The following DCLRE1C variants were observed in gnomAD, a reference collection of about 807,000 sequenced individuals.
The protein encoded by DCLRE1C is protein artemis.
Under a neutral mutation model 61.4 loss-of-function variants are expected in DCLRE1C, and 47 were observed. That is an observed-to-expected ratio of 0.77 (90% CI 0.61 to 0.98). The LOEUF (loss-of-function observed/expected upper bound fraction) is 0.98, where lower values mean the gene tolerates loss of function less well. Ranked by LOEUF, DCLRE1C falls within the 50% of genes least tolerant of loss-of-function variation. DCLRE1C has a pLI of 0.00. For missense variants in DCLRE1C, 858 were observed against 816.0 expected (o/e 1.05, Z -0.63); for synonymous variants, 337 against 287.6 (o/e 1.17, Z -1.74).
chr10:14,925,041 G>A (rs1432127639), intron 11 of DCLRE1C, among the ~76,000 whole-genome samples: 3 of 151,504 alleles, frequency 2.0e-5, no homozygotes, highest in African/African-American at 7.3e-5. Context: ...AAATAAAAGG[G>A]CTACTTTAAG....
downstream of DCLRE1C, chr10:14,903,568 G>A (rs1217246405): frequency 1.3e-5 from 2 of 152,224 alleles, no homozygotes; most frequent in African/African-American, 4.8e-5. Flanking sequence ...TTTTTTAGAT[G>A]TGATAAAGCT....
At chr10:14,912,054 T>C (rs1389188084) in intron 13 of DCLRE1C, among the ~76,000 whole-genome samples, 2 of 152,356 alleles carry the variant, frequency 1.3e-5, no homozygotes, top group East Asian at 3.9e-4. Context: ...CCATATGTTA[T>C]GAACTGAACG....
At chr10:14,921,331 A>G in intron 12 of DCLRE1C, among the ~76,000 whole-genome samples, 1 of 152,080 alleles carries the variant, frequency 6.6e-6, no homozygotes, top group Admixed American at 6.5e-5. Context: ...AAAAAAGAAA[A>G]AAAAAACAAG....
chr10:14,941,103 C>T (rs1478575860), intron 3 of DCLRE1C, among the ~76,000 whole-genome samples: 1 of 152,176 alleles, frequency 6.6e-6, no homozygotes, highest in African/African-American at 2.4e-5. Context: ...GTCTCGAACT[C>T]CTGACCTCAG....
rs780194946 is a variant in DCLRE1C, at chr10:14,908,670, T to G, written c.1817A>C (p.Lys606Thr). Reference protein sequence around the residue: ...ICPKDTYSDLKSRDKDVTIVP... With the variant: ...ICPKDTYSDLTSRDKDVTIVP... ...TATTGTCACATCTTTATCTCTGCTT[T>G]TCAAATCAGAGTAAGTATCCTTTGG... The change falls in exon 14 of 14, where the codon AAA becomes ACA. Residue 606 changes from lysine to threonine, a missense_variant. Coordinates refer to ENST00000378278, the MANE Select transcript of DCLRE1C (RefSeq NM_001033855.3). The G allele has an allele frequency of 6.2e-7, 1 of 1,614,216 alleles. No individual in the cohort carries two copies. The highest frequency in any genetic ancestry group is 8.5e-7 in the Non-Finnish European group (1 of 1,180,040).
At position 14,907,993 on chromosome 10, in the gene DCLRE1C, C is replaced by T. The variant is rs540174232; in HGVS notation, c.*415G>A. The T allele has an allele frequency of 6.1e-6, 1 of 163,548 alleles. No individual in the cohort carries two copies. Among genetic ancestry groups the T allele is most frequent in the Admixed American group, 6.2e-5 (1 of 16,072 alleles). 10.1% of individuals were successfully genotyped at this position (163,548 alleles called of 1,614,324 possible). A position where few individuals can be genotyped will look rare whatever the true frequency, so the allele number is the denominator to read the frequency against. Reference sequence around the variant, plus strand: ...TCTCCTGCCTTGGCCTCCTGCGTAGCTGGGATTACAGGCATGAGCCACCGT... The same window carrying T: ...TCTCCTGCCTTGGCCTCCTGCGTAGTTGGGATTACAGGCATGAGCCACCGT... On this transcript the variant is annotated 3_prime_UTR_variant, in exon 14 of 14. Transcript: ENST00000378278.
intron 4 of DCLRE1C, among the ~76,000 whole-genome samples, chr10:14,938,671 A>G (rs1253190762): frequency 6.6e-6 from 1 of 152,214 alleles, no homozygotes; most frequent in East Asian, 1.9e-4. Flanking sequence ...AAATTTAATG[A>G]TGAAAAATAA....
rs199843069 is a variant in DCLRE1C at position 14,934,683 on chromosome 10, G to A, written c.537+20C>T. 10 of 1,612,972 alleles carry A rather than the reference G, an allele frequency of 6.2e-6. No individual in the cohort carries two copies. The highest frequency in any genetic ancestry group is 1.1e-5 in the South Asian group (1 of 91,046). On this transcript the variant is annotated intron_variant, in intron 7 of 13. Coordinates refer to ENST00000378278, the MANE Select transcript of DCLRE1C (RefSeq NM_001033855.3). Reference sequence around the variant, plus strand: ...ACGGGCACACCCAGATGATAACCCTGTTCCTCCAGGCAGACTTACCCGACT... The same window carrying A: ...ACGGGCACACCCAGATGATAACCCTATTCCTCCAGGCAGACTTACCCGACT...
At chr10:14,920,982 CAA>C (rs112720831) in intron 12 of DCLRE1C, among the ~76,000 whole-genome samples, 3 of 130,800 alleles carry the variant, frequency 2.3e-5, no homozygotes, top group Non-Finnish European at 3.3e-5. Flanking sequence ...GACTCTGTCT[CAA>C]AAAAAAAAAA....
In DCLRE1C at chr10:14,923,034, G is replaced by C; in HGVS notation, c.1008C>G (p.Asn336Lys). 6.2e-7 allele frequency: 1 copy of C among 1,614,022 alleles called. No homozygotes were observed. The highest frequency in any genetic ancestry group is 8.5e-7 in the Non-Finnish European group (1 of 1,179,924). ...CAACTGGAATGACATTTGGATATGC[G>C]TTCACAGGACAGAGGTAGCTCAAGA... ...KDFLSYLCPV[N>K]AYPNVIPVGT... The change falls in exon 12 of 14, where the codon AAC becomes AAG. Residue 336 changes from asparagine to lysine, a missense_variant. By Grantham distance (94) the Asn-to-Lys change is moderately conservative (BLOSUM62 0). This residue lies in a region of DCLRE1C where 843 missense variants were observed against 783.5 expected (regional missense o/e 1.08). Transcript: ENST00000378278.
chr10:14,932,909 A>G lies in DCLRE1C; in HGVS notation c.725T>C (p.Leu242Pro). The change falls in exon 9 of 14, where the codon CTT becomes CCT. Residue 242 changes from leucine (L) to proline (P), a missense_variant. Physicochemically the swap from Leu to Pro is moderately conservative, Grantham distance 98. Around this residue, in one of 2 missense-constraint regions of DCLRE1C, gnomAD observed 843 missense variants for 783.5 expected, o/e 1.08. Transcript: ENST00000378278. ...LDMFRNMPEILHHLTTDRNTQ... is the reference protein window; with the variant it reads ...LDMFRNMPEIPHHLTTDRNTQ... ...GTTGCGGTCTGTTGTGAGATGATGA[A>G]GGATCTCAGGCATGTTCCTAAACAT... is the stretch of plus-strand genomic sequence containing the variant. The G allele has an allele frequency of 7.4e-6, 12 of 1,614,194 alleles. No homozygotes were observed. The highest frequency in any genetic ancestry group is 1.0e-5 in the Non-Finnish European group (12 of 1,180,006).
In DCLRE1C at chr10:14,908,187, T is replaced by TTTTTG. The variant is rs1834628701; in HGVS notation, c.*220_*221insCAAAA. On this transcript the variant is annotated 3_prime_UTR_variant, in exon 14 of 14. Coordinates refer to ENST00000378278, the MANE Select transcript of DCLRE1C (RefSeq NM_001033855.3). ...TGGCTTTTTTTTTTTTTTTTTTTTT[T>TTTTTG]GTAAGTAGAGACACATTTCACTGTG... is the stretch of plus-strand genomic sequence containing the variant. 1 of 230,484 alleles carries TTTTTG rather than the reference T, an allele frequency of 4.3e-6. No homozygotes were observed. Among genetic ancestry groups the TTTTTG allele is most frequent in the African/African-American group, 2.5e-5 (1 of 39,980 alleles). The allele number at this position is 230,484 out of a possible 1,614,324, so 14.3% of individuals were successfully genotyped here.
chr10:14,936,704 T>C, intron 4 of DCLRE1C, 111 bp from the exon 5 acceptor site: 2 of 730,118 alleles, frequency 2.7e-6, no homozygotes, highest in South Asian at 1.6e-5. Context: ...ACAATGTGCC[T>C]TTTCTCCCAA....
intron 13 of DCLRE1C, among the ~76,000 whole-genome samples, chr10:14,914,675 T>C (rs1323448107): frequency 6.6e-6 from 1 of 152,216 alleles, no homozygotes; most frequent in Non-Finnish European, 1.5e-5. Flanking sequence ...CCAGGTGTGG[T>C]GGCTCACGCC....
chr10:14,909,129 T>C lies in DCLRE1C; in HGVS notation c.1358A>G (p.Glu453Gly), dbSNP rs1834818197. The C allele has an allele frequency of 1.9e-6, 3 of 1,614,244 alleles. No homozygotes were observed. The Admixed American group carries it at 5.0e-5, about 27-fold the overall frequency. Residue 453 changes from glutamate (E) to glycine (G), a missense_variant, in exon 14 of 14, where the codon GAA becomes GGA. Glu to Gly is a moderately conservative substitution (Grantham distance 98). Coordinates refer to ENST00000378278, the MANE Select transcript of DCLRE1C (RefSeq NM_001033855.3). ...TTCTTCACTTTCACTGTTGGATTCT[T>C]CACAATCTACAAAGTTTGTGAAACG... ...SSRFTNFVDC[E>G]ESNSESEEEV...
chr10:14,897,840 A>T (rs1833694093), exon 14 of DCLRE1C: 1 of 173,614 alleles, frequency 5.8e-6, no homozygotes, highest in Non-Finnish European at 1.2e-5. Context: ...AGAAACTCAG[A>T]TGTAACACAT....
chr10:14,939,189 A>C (rs1201449493), intron 4 of DCLRE1C, among the ~76,000 whole-genome samples: 4 of 152,098 alleles, frequency 2.6e-5, no homozygotes, highest in East Asian at 1.9e-4. Flanking sequence ...GTCACCCCAG[A>C]ACTTTGGGAG....
rs1421714770 is a variant in DCLRE1C, at chr10:14,934,696, G to C, written c.537+7C>G. 4.3e-6 allele frequency: 7 copies of C among 1,613,412 alleles called. No homozygotes were observed. Among genetic ancestry groups the C allele is most frequent in the South Asian group, 1.1e-5 (1 of 91,038 alleles). ...GATGATAACCCTGTTCCTCCAGGCA[G>C]ACTTACCCGACTTGGAATTTGGTAA... On this transcript the variant is annotated splice_region_variant and intron_variant, in intron 7 of 13. Coordinates refer to ENST00000378278, the MANE Select transcript of DCLRE1C (RefSeq NM_001033855.3).
In DCLRE1C at chr10:14,907,344, T is replaced by C. The variant is rs41300688; in HGVS notation, c.*1064A>G. ...TCAGGTGTGTTTATGAGCAAAGATA[T>C]GATCATGCTGAATGTTCCATGTGTA... On this transcript the variant is annotated 3_prime_UTR_variant, in exon 14 of 14. Transcript: ENST00000378278. Among the ~76,000 whole-genome samples, 100 of 151,244 alleles carry C rather than the reference T, an allele frequency of 6.6e-4. No homozygotes were observed. Among genetic ancestry groups the C allele is most frequent in the African/African-American group, 2.2e-3 (90 of 41,092 alleles).
Sources: gnomAD v4.1 joint callset for allele counts (sites outside exome capture counted in the v4.1 genomes callset) on GRCh38, gnomAD v4.1.1 for gene constraint, gnomAD v4.1.1 regional missense constraint, MANE v1.5 for transcripts, NCBI Gene and HGNC (gene_info 2026-07-23, HGNC 2026-07-21) for gene names.